CSMD1: variants seen among roughly 807,000 people sequenced by gnomAD.
The protein encoded by CSMD1 is CUB and Sushi multiple domains 1, also known as CUB and sushi domain-containing protein 1.
Under a neutral mutation model 417.5 loss-of-function variants are expected in CSMD1, and 213 were observed. That is an observed-to-expected ratio of 0.51 (90% CI 0.46 to 0.57). The LOEUF (loss-of-function observed/expected upper bound fraction) is 0.57. CSMD1 is among the 20% of genes least tolerant of loss of function. The pLI is 0.00. For missense variants in CSMD1, 6,923 were observed against 4,529.7 expected (o/e 1.53, Z -15.17); for synonymous variants, 2,862 against 1,736.8 (o/e 1.65, Z -16.11).
Position 4,046,421 on chromosome 8 carries a change from C to G in CSMD1, c.416-14322G>C, listed in dbSNP as rs552174074. 2.6e-5 allele frequency among the ~76,000 whole-genome samples: 4 copies of G among 152,224 alleles called. No homozygotes were observed. The South Asian group carries it at 6.2e-4, about 24-fold the overall frequency. Reference sequence around the variant, plus strand: ...CCATGATTTTCATATTCATTCAAACCTAAATGTGCTTTCTGTTACTGAATT... The same window carrying G: ...CCATGATTTTCATATTCATTCAAACGTAAATGTGCTTTCTGTTACTGAATT... On this transcript the variant is annotated intron_variant, in intron 3 of 69. Transcript: ENST00000635120.
intron 28 of CSMD1, among the ~76,000 whole-genome samples, chr8:3,223,012 G>A (rs1457194910): frequency 6.6e-6 from 1 of 152,108 alleles, no homozygotes; most frequent in Non-Finnish European, 1.5e-5. Context: ...AGGTCAATAG[G>A]AAAGTCTACA....
chr8:3,163,932 A>G (rs772906370), intron 37 of CSMD1, among the ~76,000 whole-genome samples: 3 of 152,192 alleles, frequency 2.0e-5, no homozygotes, highest in Non-Finnish European at 4.4e-5. Context: ...GTGTCCATGT[A>G]TATGAGCCTG....
intron 3 of CSMD1, among the ~76,000 whole-genome samples, chr8:4,239,469 A>G (rs1802260627): frequency 6.6e-6 from 1 of 152,122 alleles, no homozygotes; most frequent in African/African-American, 2.4e-5. Context: ...GCAAGGAGAG[A>G]TGTAGCACCC....
At chr8:3,836,826 T>C (rs1244595336) in intron 5 of CSMD1, among the ~76,000 whole-genome samples, 6 of 152,192 alleles carry the variant, frequency 3.9e-5, no homozygotes, top group African/African-American at 1.2e-4. Context: ...ATTTTATAAC[T>C]CAATTAAATA....
chr8:4,083,389 G>A (rs1365526343), intron 3 of CSMD1, among the ~76,000 whole-genome samples: 1 of 152,074 alleles, frequency 6.6e-6, no homozygotes, highest in African/African-American at 2.4e-5. Context: ...TTTTTCATGT[G>A]TTTTTTGGCT....
chr8:4,024,939 G>A (rs904065558), intron 4 of CSMD1, among the ~76,000 whole-genome samples: 5 of 152,212 alleles, frequency 3.3e-5, no homozygotes, highest in African/African-American at 1.2e-4. Flanking sequence ...TTCAGGTGAG[G>A]GAGCATGAAT....
Position 4,824,002 on chromosome 8 carries a change from A to G in CSMD1, c.85+170330T>C, listed in dbSNP as rs935985643. On this transcript the variant is annotated intron_variant, in intron 1 of 69. Coordinates refer to ENST00000635120, the MANE Select transcript of CSMD1 (RefSeq NM_033225.6). ...CGCATGGACACACACATATACAATCATGGACACACACATACATGCACACAC... is the reference window on the plus strand; with the variant it reads ...CGCATGGACACACACATATACAATCGTGGACACACACATACATGCACACAC... Among the ~76,000 whole-genome samples the G allele has an allele frequency of 1.3e-5, 2 of 151,800 alleles. 1 individual carries two copies.
At chr8:4,206,510 T>C (rs1402648574) in intron 3 of CSMD1, among the ~76,000 whole-genome samples, 3 of 152,212 alleles carry the variant, frequency 2.0e-5, no homozygotes. Context: ...ACAAAGGACA[T>C]GAACTCATCC....
intron 41 of CSMD1, chr8:3,128,803 GTTTTT>G: frequency 2.6e-6 from 1 of 379,712 alleles, no homozygotes; most frequent in South Asian, 2.0e-5. Context: ...TCGAGTTTTT[GTTTTT>G]TTTTTAATTG....
At chr8:3,392,980 G>C (rs528920871) in intron 17 of CSMD1, among the ~76,000 whole-genome samples, 1 of 152,066 alleles carries the variant, frequency 6.6e-6, no homozygotes, top group Non-Finnish European at 1.5e-5. Flanking sequence ...GGCCTTTCCT[G>C]ACTCATTTTC....
intron 3 of CSMD1, among the ~76,000 whole-genome samples, chr8:4,087,830 C>T (rs1467878760): frequency 6.6e-6 from 1 of 152,008 alleles, no homozygotes; most frequent in Non-Finnish European, 1.5e-5. Context: ...CCTTTGTCAC[C>T]TAGCATAATA....
intron 1 of CSMD1, among the ~76,000 whole-genome samples, chr8:4,699,967 G>A (rs1409216949): frequency 6.6e-6 from 1 of 152,162 alleles, no homozygotes; most frequent in African/African-American, 2.4e-5. Flanking sequence ...CTTGGATTCT[G>A]TAATTCTCTC....
chr8:4,700,815 A>G (rs977951513), intron 1 of CSMD1, among the ~76,000 whole-genome samples: 5 of 152,202 alleles, frequency 3.3e-5, no homozygotes, highest in African/African-American at 9.7e-5. Flanking sequence ...AACGGATTAG[A>G]GCATGAAAAA....
intron 8 of CSMD1, among the ~76,000 whole-genome samples, chr8:3,601,558 C>G (rs1801361994): frequency 6.6e-6 from 1 of 152,152 alleles, no homozygotes; most frequent in Admixed American, 6.6e-5. Flanking sequence ...AAAGGTCTAA[C>G]ATTGAGTTAC....
intron 1 of CSMD1, among the ~76,000 whole-genome samples, chr8:4,905,648 T>C (rs924957740): frequency 4.0e-5 from 6 of 151,404 alleles, no homozygotes; most frequent in African/African-American, 1.5e-4. Context: ...TGAAACCCCG[T>C]CTCTACTAAA....
At chr8:4,317,825 A>C (rs532538036) in intron 3 of CSMD1, among the ~76,000 whole-genome samples, 1 of 152,234 alleles carries the variant, frequency 6.6e-6, no homozygotes, top group Admixed American at 6.5e-5. Context: ...TTCAGTAATT[A>C]TTTGTTTAAT....
At chr8:4,798,200 C>T (rs1798085324) in intron 1 of CSMD1, among the ~76,000 whole-genome samples, 1 of 152,076 alleles carries the variant, frequency 6.6e-6, no homozygotes, top group Non-Finnish European at 1.5e-5. Context: ...GTGTGATGTT[C>T]CCCTTCTTGT....
At chr8:3,404,889 G>A (rs952282232) in intron 15 of CSMD1, among the ~76,000 whole-genome samples, 1 of 151,978 alleles carries the variant, frequency 6.6e-6, no homozygotes, top group South Asian at 2.1e-4. Flanking sequence ...TCTGCTGTTT[G>A]AAGCTGAATC....
At chr8:3,690,833 G>C (rs940066486) in intron 7 of CSMD1, among the ~76,000 whole-genome samples, 5 of 152,072 alleles carry the variant, frequency 3.3e-5, no homozygotes, top group African/African-American at 7.2e-5. Flanking sequence ...GCAAAATTGA[G>C]GTTCTTTGAA....
Sources: allele counts gnomAD v4.1 joint callset (sites outside exome capture counted in the v4.1 genomes callset), GRCh38; gene constraint gnomAD v4.1.1; transcripts MANE v1.5; gene names NCBI Gene and HGNC (gene_info 2026-07-23, HGNC 2026-07-21).